The following PRH1 variants were observed in gnomAD, a reference collection of about 807,000 sequenced individuals.
PRH1 encodes the protein salivary acidic proline-rich phosphoprotein 1/2.
PRH1 carries 7 observed loss-of-function variants against 7.9 expected under a neutral mutation model. The observed-to-expected ratio is 0.89, with a 90% confidence interval of 0.50 to 1.67. The LOEUF (loss-of-function observed/expected upper bound fraction) is 1.67, where lower values mean the gene tolerates loss of function less well. Ranked by LOEUF, PRH1 falls within the 40% of genes most tolerant of loss-of-function variation. PRH1 has a pLI of 0.00. For missense variants in PRH1, 109 were observed against 223.6 expected (o/e 0.49, Z 3.27); for synonymous variants, 45 against 80.8 (o/e 0.56, Z 2.38).
At chr12:11,062,039 T>C in intron 1 of PRH1, 2 of 1,610,844 alleles carry the variant, frequency 1.2e-6, no homozygotes, top group South Asian at 1.1e-5. Context: ...GCCCAGACAT[T>C]GTAAGCAGTA....
chr12:11,014,281 C>T (rs1045471874), intron 1 of PRH1, among the ~76,000 whole-genome samples: 1 of 152,096 alleles, frequency 6.6e-6, no homozygotes, highest in African/African-American at 2.4e-5. Context: ...CAAAAGAGAA[C>T]TAGCAAAGGA....
intron 1 of PRH1, among the ~76,000 whole-genome samples, chr12:11,100,557 T>C (rs1945203905): frequency 6.6e-6 from 1 of 152,246 alleles, no homozygotes; most frequent in Admixed American, 6.5e-5. Flanking sequence ...TTCCATGATT[T>C]AAATTTTAAG....
intron 2 of PRH1, among the ~76,000 whole-genome samples, chr12:10,922,696 T>C (rs1004044345): frequency 2.0e-5 from 3 of 152,094 alleles, no homozygotes; most frequent in Non-Finnish European, 4.4e-5. Flanking sequence ...TTATTAAGTG[T>C]GTCTTACATT....
intron 1 of PRH1, among the ~76,000 whole-genome samples, chr12:11,170,734 G>A (rs1374830411): frequency 6.6e-6 from 1 of 152,166 alleles, no homozygotes; most frequent in Non-Finnish European, 1.5e-5. Context: ...GTATATACGC[G>A]TGTGTGTCCA....
rs1209361426 is a variant in PRH1, at chr12:11,087,573, A to G, written n.124-40385T>C. On this transcript the variant is annotated intron_variant and non_coding_transcript_variant, in intron 1 of 4. Coordinates refer to the PRH1 transcript ENST00000541977. ...GAACTGTGGAGTAAGGGACATTATT[A>G]TAGCAGGACCAAAGGGAAGCCTCTG... Among the ~76,000 whole-genome samples, 2 of 116,848 alleles carry G rather than the reference A, an allele frequency of 1.7e-5. 1 individual carries two copies. Among genetic ancestry groups the G allele is most frequent in the Non-Finnish European group, 4.1e-5 (2 of 49,254 alleles). The allele number at this position is 116,848 out of a possible 152,430, so 76.7% of individuals were successfully genotyped here. A position where few individuals can be genotyped will look rare whatever the true frequency, so the allele number is the denominator to read the frequency against.
chr12:10,946,746 C>T (rs116835040), intron 2 of PRH1, among the ~76,000 whole-genome samples: 1 of 152,072 alleles, frequency 6.6e-6, no homozygotes, highest in Admixed American at 6.5e-5. Context: ...TAATTTGAGG[C>T]CTTACAAACT....
At chr12:10,968,002 A>T (rs1219404074) in intron 2 of PRH1, among the ~76,000 whole-genome samples, 1 of 152,110 alleles carries the variant, frequency 6.6e-6, no homozygotes, top group African/African-American at 2.4e-5. Flanking sequence ...AATCGTTTGA[A>T]CCCAAGAGGC....
intron 1 of PRH1, among the ~76,000 whole-genome samples, chr12:10,883,363 A>T (rs779978035): frequency 5.3e-5 from 8 of 152,194 alleles, no homozygotes; most frequent in Non-Finnish European, 8.8e-5. Context: ...GAATGAAGAT[A>T]CAATAGGTCT....
chr12:11,017,704 G>C (rs1374837591), intron 1 of PRH1, among the ~76,000 whole-genome samples: 1 of 151,916 alleles, frequency 6.6e-6, no homozygotes, highest in African/African-American at 2.4e-5. Context: ...TGTTGCTCAG[G>C]CTAGTCTCAA....
chr12:11,143,602 C>CTA (rs1201043337), intron 1 of PRH1, among the ~76,000 whole-genome samples: 1 of 151,994 alleles, frequency 6.6e-6, no homozygotes, highest in African/African-American at 2.4e-5. Context: ...CACAATTCGC[C>CTA]TATACAGACA....
At chr12:10,951,717 T>G (rs1479306352) in intron 2 of PRH1, among the ~76,000 whole-genome samples, 2 of 152,206 alleles carry the variant, frequency 1.3e-5, no homozygotes, top group Non-Finnish European at 2.9e-5. Context: ...ATATTCAGCA[T>G]TTTTGTAAAT....
chr12:11,156,901 A>T (rs1947269007), intron 1 of PRH1, among the ~76,000 whole-genome samples: 1 of 146,244 alleles, frequency 6.8e-6, no homozygotes, highest in African/African-American at 2.6e-5. Flanking sequence ...GCTGGAGTGC[A>T]GTGGCGCGAT....
At chr12:11,131,626 G>A (rs941547694) in intron 1 of PRH1, among the ~76,000 whole-genome samples, 3 of 25,206 alleles carry the variant, frequency 1.2e-4, no homozygotes, top group African/African-American at 1.8e-4. Context: ...TTAAAATATT[G>A]TAATAGTGGC....
chr12:11,052,566 CTG>C, intron 1 of PRH1, among the ~76,000 whole-genome samples: 1 of 152,146 alleles, frequency 6.6e-6, no homozygotes, highest in East Asian at 1.9e-4. Flanking sequence ...GGAAAAATCC[CTG>C]CAACATTTCT....
intron 2 of PRH1, among the ~76,000 whole-genome samples, chr12:10,965,975 C>G (rs1938481560): frequency 1.3e-5 from 2 of 152,132 alleles, no homozygotes; most frequent in South Asian, 4.1e-4. Flanking sequence ...TTTTGTATGA[C>G]ATTAGTGTTA....
chr12:11,104,654 T>A lies in PRH1; in HGVS notation n.124-57466A>T, dbSNP rs560244587. ...AGCTATTAAAACTCAGTGATATGCA[T>A]GTGTATGTATATGTATTCTGATAAG... On this transcript the variant is annotated intron_variant and non_coding_transcript_variant, in intron 1 of 4. Transcript: ENST00000541977. 9.0e-5 allele frequency among the ~76,000 whole-genome samples: 13 copies of A among 144,746 alleles called. No homozygotes were observed. In the East Asian group the frequency reaches 2.7e-3, roughly 30 times the overall value. The allele number at this position is 144,746 out of a possible 152,430, so 95.0% of individuals were successfully genotyped here.
intron 1 of PRH1, among the ~76,000 whole-genome samples, chr12:11,140,288 G>T (rs1946666647): frequency 1.3e-5 from 2 of 152,040 alleles, no homozygotes; most frequent in Admixed American, 6.5e-5. Context: ...AGACAAAAAT[G>T]TTGAAATATA....
chr12:11,057,525 C>G (rs945462964), intron 1 of PRH1, among the ~76,000 whole-genome samples: 1 of 152,202 alleles, frequency 6.6e-6, no homozygotes, highest in East Asian at 1.9e-4. Context: ...GCTGGCAACC[C>G]AATGTATAAA....
chr12:11,134,292 T>C (rs1366575557), intron 1 of PRH1: 20 of 1,039,318 alleles, frequency 1.9e-5, no homozygotes, highest in Non-Finnish European at 2.7e-5. Context: ...GTAATATCAC[T>C]GGTTGTGATT....
Sources: allele counts gnomAD v4.1 joint callset (sites outside exome capture counted in the v4.1 genomes callset), GRCh38; gene constraint gnomAD v4.1.1; transcripts MANE v1.5; gene names NCBI Gene and HGNC (gene_info 2026-07-23, HGNC 2026-07-21).